Variants in COL4A2 observed in about 807,000 individuals in gnomAD.
The protein encoded by COL4A2 is collagen type IV alpha 2 chain.
A neutral mutation model predicts 200.2 loss-of-function variants in COL4A2; 99 were observed. The observed-to-expected ratio is 0.49, with a 90% CI of 0.42 to 0.58. COL4A2 has a LOEUF of 0.58. Among genes scored for constraint, COL4A2 ranks in the 20% least tolerant of loss-of-function variants. The pLI, the probability that COL4A2 is intolerant of heterozygous loss-of-function variation, is 0.00. For synonymous variants in COL4A2, 897 were observed against 900.6 expected, an observed-to-expected ratio of 1.00 and a Z score of 0.07; for missense variants, 1,950 against 2,314.1, an observed-to-expected ratio of 0.84 and a Z score of 3.23.
chr13:110,441,890 G>T (rs1881137576), intron 16 of COL4A2, among the ~76,000 whole-genome samples: 1 of 150,692 alleles, frequency 6.6e-6, no homozygotes, highest in African/African-American at 2.4e-5. Context: ...GACCAACCTG[G>T]CCAACATGGT....
chr13:110,429,280 T>A (rs907102661), intron 7 of COL4A2: 1 of 152,284 alleles, frequency 6.6e-6, no homozygotes, highest in African/African-American at 2.4e-5. Context: ...AGTTCACCTT[T>A]CCTCGGCTGT....
chr13:110,472,848 T>C lies in COL4A2; in HGVS notation c.2204-81T>C. 23 of 1,415,386 alleles carry C rather than the reference T, an allele frequency of 1.6e-5. 1 individual carries two copies. The South Asian group carries it at 2.6e-4, about 16-fold the overall frequency. The allele number at this position is 1,415,386 out of a possible 1,614,324, so 87.7% of individuals were successfully genotyped here. On this transcript the variant is annotated intron_variant, in intron 28 of 47. Coordinates refer to ENST00000360467, the MANE Select transcript of COL4A2 (RefSeq NM_001846.4). ...GGACCCCATAGCCAAATTTTTGCTG[T>C]TTCCAGCCTCTTTTTGACTCTTCTC...
At chr13:110,319,122 G>GT (rs1029467021) in intron 3 of COL4A2, among the ~76,000 whole-genome samples, 1 of 151,996 alleles carries the variant, frequency 6.6e-6, no homozygotes, top group Non-Finnish European at 1.5e-5. Context: ...GCGGGGGCCT[G>GT]TGGGGGGAGG....
Position 110,473,122 on chromosome 13 carries a change from C to A in COL4A2, c.2397C>A (p.Pro799=). ...GACAGCCTGGGCTTAAAGGCCTTCC[C>A]GGAGACAGAGGCCCCCCTGGATTCA... The part of the protein sequence containing the change: ...VPGQPGLKGL[P]GDRGPPGFRG... The change falls in exon 29 of 48, where the codon CCC becomes CCA. Residue 799 remains proline, a synonymous_variant. Transcript: ENST00000360467. 6.4e-7 allele frequency: 1 copy of A among 1,560,936 alleles called. No homozygotes were observed. Among genetic ancestry groups the A allele is most frequent in the East Asian group, 2.4e-5 (1 of 42,092 alleles).
chr13:110,331,407 T>C (rs368252186), intron 3 of COL4A2, among the ~76,000 whole-genome samples: 37 of 152,218 alleles, frequency 2.4e-4, no homozygotes, highest in African/African-American at 8.0e-4. Flanking sequence ...TTCTGGCTTA[T>C]TAACGTCAAC....
intron 3 of COL4A2, among the ~76,000 whole-genome samples, chr13:110,355,089 A>G (rs1877134904): frequency 6.6e-6 from 1 of 152,252 alleles, no homozygotes; most frequent in Non-Finnish European, 1.5e-5. Context: ...AATTTGCTTA[A>G]CATTGGAAAG....
chr13:110,389,565 C>G (rs370466890), intron 4 of COL4A2, among the ~76,000 whole-genome samples: 1 of 152,212 alleles, frequency 6.6e-6, no homozygotes, highest in South Asian at 2.1e-4. Context: ...TCTCAGACCC[C>G]TCTGTCTTCC....
chr13:110,320,127 G>A (rs1885239313), intron 3 of COL4A2, among the ~76,000 whole-genome samples: 1 of 152,226 alleles, frequency 6.6e-6, no homozygotes, highest in Admixed American at 6.5e-5. Flanking sequence ...CTGTCCACCC[G>A]AAGGTTCTGG....
intron 3 of COL4A2, among the ~76,000 whole-genome samples, chr13:110,336,248 G>A (rs1016095310): frequency 6.6e-6 from 1 of 152,154 alleles, no homozygotes; most frequent in African/African-American, 2.4e-5. Flanking sequence ...TTGTCTGATT[G>A]TCTCAAGCAT....
At chr13:110,477,227 T>G (rs1882736898) in intron 29 of COL4A2, among the ~76,000 whole-genome samples, 1 of 152,094 alleles carries the variant, frequency 6.6e-6, no homozygotes, top group African/African-American at 2.4e-5. Flanking sequence ...AGCAAAGAAC[T>G]AAAACTTCAC....
At chr13:110,408,080 A>C (rs1420272880) in intron 4 of COL4A2, among the ~76,000 whole-genome samples, 3 of 152,128 alleles carry the variant, frequency 2.0e-5, no homozygotes, top group Non-Finnish European at 4.4e-5. Flanking sequence ...CCACCTCATG[A>C]GTTTGGAGGG....
At position 110,512,608 on chromosome 13, in the gene COL4A2, C is replaced by CTCAGGGG. The variant is rs1566577593; in HGVS notation, c.*417_*418insTCAGGGG. On this transcript the variant is annotated 3_prime_UTR_variant, in exon 48 of 48. Transcript: ENST00000360467. ...GGCCAGAGGCTCGAGGGGCTCAGGGCCTCAGGCACCCGTCCCCACACGAGG... is the reference window on the plus strand; with the variant it reads ...GGCCAGAGGCTCGAGGGGCTCAGGGCTCAGGGGCTCAGGCACCCGTCCCCACACGAGG... The CTCAGGGG allele has an allele frequency of 5.5e-5, 10 of 180,418 alleles. No homozygotes were observed. Among genetic ancestry groups the CTCAGGGG allele is most frequent in the Admixed American group, 2.4e-4 (4 of 16,744 alleles). 11.2% of individuals were successfully genotyped at this position (180,418 alleles called of 1,614,324 possible).
intron 3 of COL4A2, among the ~76,000 whole-genome samples, chr13:110,326,666 C>T (rs1403117744): frequency 1.3e-5 from 2 of 152,174 alleles, no homozygotes; most frequent in African/African-American, 4.8e-5. Flanking sequence ...ACACGCTGGG[C>T]CCTTCCTGCT....
At position 110,481,730 on chromosome 13, in the gene COL4A2, T is replaced by C. The variant is rs61970301; in HGVS notation, c.2759-786T>C. Among the ~76,000 whole-genome samples, 26 of 24,240 alleles carry C rather than the reference T, an allele frequency of 1.1e-3. 3 individuals are homozygous for C. The highest frequency in any genetic ancestry group is 4.2e-3 in the East Asian group (3 of 716). 15.9% of individuals were successfully genotyped at this position (24,240 alleles called of 152,430 possible). On this transcript the variant is annotated intron_variant, in intron 31 of 47. Coordinates refer to ENST00000360467, the MANE Select transcript of COL4A2 (RefSeq NM_001846.4). Reference sequence around the variant, plus strand: ...TCCTTCCATTGCTGGAGACACACTGTTCTGTCCCTCCGTTGCTGGAGACAC... The same window carrying C: ...TCCTTCCATTGCTGGAGACACACTGCTCTGTCCCTCCGTTGCTGGAGACAC...
chr13:110,318,526 A>G (rs968584622), intron 3 of COL4A2, among the ~76,000 whole-genome samples: 3 of 152,322 alleles, frequency 2.0e-5, no homozygotes, highest in African/African-American at 7.2e-5. Context: ...CCCTGCTCAC[A>G]GGAAATGTCA....
At chr13:110,332,319 C>G (rs573382177) in intron 3 of COL4A2, among the ~76,000 whole-genome samples, 18 of 152,270 alleles carry the variant, frequency 1.2e-4, no homozygotes, top group African/African-American at 3.9e-4. Flanking sequence ...CGCGGGATCT[C>G]CAAAATAGCT....
At chr13:110,461,840 G>T (rs1882038326) in intron 22 of COL4A2, among the ~76,000 whole-genome samples, 1 of 152,182 alleles carries the variant, frequency 6.6e-6, no homozygotes, top group Non-Finnish European at 1.5e-5. Context: ...CGGCCACATT[G>T]TAATTATTTA....
Position 110,500,413 on chromosome 13 carries a change from G to A in COL4A2, c.3761-1255G>A, listed in dbSNP as rs141915167. Reference sequence around the variant, plus strand: ...TTAGGAGAGAAAGTAGACTTAATCCGCCCACTCAAGTCCACACTGATTTCT... The same window carrying A: ...TTAGGAGAGAAAGTAGACTTAATCCACCCACTCAAGTCCACACTGATTTCT... On this transcript the variant is annotated intron_variant, in intron 40 of 47. Coordinates refer to ENST00000360467, the MANE Select transcript of COL4A2 (RefSeq NM_001846.4). Among the ~76,000 whole-genome samples, 431 of 152,212 alleles carry A rather than the reference G, an allele frequency of 2.8e-3. 6 individuals carry two copies. The highest frequency in any genetic ancestry group is 0.01 in the African/African-American group (421 of 41,506).
At chr13:110,402,635 C>T (rs962383600) in intron 4 of COL4A2, among the ~76,000 whole-genome samples, 4 of 152,230 alleles carry the variant, frequency 2.6e-5, no homozygotes, top group African/African-American at 9.6e-5. Context: ...CTGCCATGAA[C>T]AGAATATTAT....
Sources: gnomAD v4.1 joint callset for allele counts (sites outside exome capture counted in the v4.1 genomes callset) on GRCh38, gnomAD v4.1.1 for gene constraint, MANE v1.5 for transcripts, NCBI Gene and HGNC (gene_info 2026-07-23, HGNC 2026-07-21) for gene names.